Variants in DLC1 observed in about 807,000 individuals in gnomAD.
DLC1 encodes the protein DLC1 Rho GTPase activating protein.
Under a neutral mutation model 140.3 loss-of-function variants are expected in DLC1, and 54 were observed. That is an observed-to-expected ratio of 0.38 (90% confidence interval 0.31 to 0.48). The LOEUF (loss-of-function observed/expected upper bound fraction) is 0.48, where lower values mean the gene tolerates loss of function less well. Ranked by LOEUF, DLC1 falls within the 20% of genes least tolerant of loss-of-function variation. The pLI is 0.96. For missense variants in DLC1, 2,536 were observed against 1,907.0 expected, an observed-to-expected ratio of 1.33 and a Z score of -6.14; for synonymous variants, 986 against 728.1, an observed-to-expected ratio of 1.35 and a Z score of -5.70.
chr8:13,517,190 C>G (rs370655148), upstream of DLC1, among the ~76,000 whole-genome samples: 11 of 152,160 alleles, frequency 7.2e-5, no homozygotes, highest in Non-Finnish European at 1.6e-4. Flanking sequence ...ATCTCTATCT[C>G]TGTCACTGCC....
intron 6 of DLC1, among the ~76,000 whole-genome samples, chr8:13,114,287 G>A (rs531125493): frequency 2.1e-4 from 32 of 152,250 alleles, no homozygotes; most frequent in Non-Finnish European, 3.5e-4. Flanking sequence ...GCTTGAACCC[G>A]GGAGGCAGAG....
At chr8:13,419,573 A>G (rs994812054) in intron 2 of DLC1, among the ~76,000 whole-genome samples, 1 of 152,162 alleles carries the variant, frequency 6.6e-6, no homozygotes, top group Non-Finnish European at 1.5e-5. Context: ...CCATTTGATC[A>G]TGGTGGATAA....
At chr8:13,240,801 A>T (rs145238838) in intron 5 of DLC1, among the ~76,000 whole-genome samples, 171 of 152,330 alleles carry the variant, frequency 1.1e-3, no homozygotes, top group African/African-American at 4.0e-3. Context: ...TTCAAATGGA[A>T]ATATATATAT....
At chr8:13,244,618 C>A (rs953738137) in intron 5 of DLC1, among the ~76,000 whole-genome samples, 2 of 151,990 alleles carry the variant, frequency 1.3e-5, no homozygotes, top group Non-Finnish European at 2.9e-5. Context: ...CATTTATCTG[C>A]CACTCTCCTC....
intron 5 of DLC1, among the ~76,000 whole-genome samples, chr8:13,288,438 G>A (rs1831619947): frequency 6.6e-6 from 1 of 152,110 alleles, no homozygotes; most frequent in Non-Finnish European, 1.5e-5. Flanking sequence ...CCTCCAGCTG[G>A]CTGGGCTGCT....
chr8:13,499,530 C>T lies in DLC1; in HGVS notation c.542G>A (p.Arg181Lys). The change falls in exon 2 of 18, where the codon AGA becomes AAA. Residue 181 changes from arginine (R) to lysine (K), a missense_variant. Coordinates refer to ENST00000276297, the MANE Select transcript of DLC1 (RefSeq NM_182643.3). Reference protein sequence around the residue: ...ELALVKESGERKVTDSISKSL... With the variant: ...ELALVKESGEKKVTDSISKSL... ...TTTACTTATAGAGTCAGTAACTTTT[C>T]TCTCCCCACTTTCTTTTACCAGTGC... is the stretch of plus-strand genomic sequence containing the variant. 2.5e-6 allele frequency: 4 copies of T among 1,614,094 alleles called. No homozygotes were observed. The highest frequency in any genetic ancestry group is 2.5e-6 in the Non-Finnish European group (3 of 1,180,012).
chr8:13,417,411 C>G (rs1446103692), intron 2 of DLC1, among the ~76,000 whole-genome samples: 2 of 149,504 alleles, frequency 1.3e-5, no homozygotes, highest in African/African-American at 5.0e-5. Context: ...TTCCTGTGTC[C>G]ATGTGTTCTC....
At chr8:13,396,180 C>T (rs1474419210) in intron 3 of DLC1, among the ~76,000 whole-genome samples, 1 of 151,662 alleles carries the variant, frequency 6.6e-6, no homozygotes, top group African/African-American at 2.4e-5. Flanking sequence ...CTGCCTCGGC[C>T]TCCCGAGTAG....
At chr8:13,392,097 C>G (rs1353522442) in intron 4 of DLC1, among the ~76,000 whole-genome samples, 2 of 152,114 alleles carry the variant, frequency 1.3e-5, no homozygotes, top group African/African-American at 4.8e-5. Flanking sequence ...TTCAGTGTAC[C>G]TGTTGGCACA....
chr8:13,553,126 C>G (rs1244405938), intron 1 of DLC1, among the ~76,000 whole-genome samples: 2 of 147,618 alleles, frequency 1.4e-5, no homozygotes, highest in Non-Finnish European at 1.5e-5. Flanking sequence ...GCATTGGTCA[C>G]TAGTGTGCTA....
chr8:13,376,768 A>C (rs1198168016), intron 4 of DLC1, among the ~76,000 whole-genome samples: 1 of 152,184 alleles, frequency 6.6e-6, no homozygotes, highest in Non-Finnish European at 1.5e-5. Context: ...GAGGAGTTAG[A>C]GGTGACTGAA....
At chr8:13,532,615 T>A (rs1436981956) in intron 1 of DLC1, among the ~76,000 whole-genome samples, 2 of 152,130 alleles carry the variant, frequency 1.3e-5, no homozygotes, top group African/African-American at 2.4e-5. Context: ...GTGAGTGGAT[T>A]CTCACTCTAC....
chr8:13,599,280 C>T (rs116621087), intron 1 of DLC1, among the ~76,000 whole-genome samples: 2,351 of 151,850 alleles, frequency 0.015, 70 homozygotes, highest in African/African-American at 0.054. Context: ...ATTATGCCAG[C>T]CTCATGTCAA....
intron 5 of DLC1, among the ~76,000 whole-genome samples, chr8:13,269,985 A>T (rs796632454): frequency 1.4e-4 from 21 of 148,522 alleles, no homozygotes; most frequent in African/African-American, 4.9e-4. Flanking sequence ...TGAACCCGGG[A>T]GGTGGAGCTT....
chr8:13,430,392 C>T (rs76595259), intron 2 of DLC1, among the ~76,000 whole-genome samples: 4,089 of 152,142 alleles, frequency 0.027, 157 homozygotes, highest in African/African-American at 0.091. Flanking sequence ...TCATTATTTC[C>T]AATGCTGCTT....
intron 5 of DLC1, among the ~76,000 whole-genome samples, chr8:13,294,225 A>G (rs1831865220): frequency 6.6e-6 from 1 of 152,218 alleles, no homozygotes; most frequent in South Asian, 2.1e-4. Context: ...TTTGCTGTGA[A>G]CTTAAAATTG....
chr8:13,332,228 C>T (rs1013376140), intron 4 of DLC1, among the ~76,000 whole-genome samples: 3 of 152,102 alleles, frequency 2.0e-5, no homozygotes, highest in Admixed American at 6.6e-5. Context: ...CCTGCCTTAG[C>T]GAATAAAGCG....
At chr8:13,425,110 C>T (rs1317189415) in intron 2 of DLC1, among the ~76,000 whole-genome samples, 4 of 149,106 alleles carry the variant, frequency 2.7e-5, no homozygotes, top group Non-Finnish European at 5.9e-5. Flanking sequence ...GTTCCTAGAA[C>T]ACAATGTGCA....
intron 4 of DLC1, among the ~76,000 whole-genome samples, chr8:13,324,886 C>G: frequency 6.6e-6 from 1 of 151,958 alleles, no homozygotes; most frequent in East Asian, 1.9e-4. Context: ...TCTAGGGTGA[C>G]TATTGGAGAT....
Sources: gnomAD v4.1 joint callset for allele counts (sites outside exome capture counted in the v4.1 genomes callset) on GRCh38, gnomAD v4.1.1 for gene constraint, MANE v1.5 for transcripts, NCBI Gene and HGNC (gene_info 2026-07-23, HGNC 2026-07-21) for gene names.